EXPH5: variants seen among roughly 807,000 people sequenced by gnomAD.
EXPH5 encodes exophilin 5, also known as exophilin-5.
Under a neutral mutation model 41.1 loss-of-function variants are expected in EXPH5, and 42 were observed. The observed-to-expected ratio is 1.02, with a 90% CI of 0.80 to 1.32. EXPH5 has a LOEUF of 1.32. Ranked by LOEUF, EXPH5 falls within the 40% of genes most tolerant of loss-of-function variation. The pLI, the probability that EXPH5 is intolerant of heterozygous loss-of-function variation, is 0.00. For missense variants in EXPH5, 2,298 were observed against 2,314.5 expected (o/e 0.99, Z 0.15); for synonymous variants, 798 against 833.5 (o/e 0.96, Z 0.73).
chr11:108,586,988 T>C (rs1194979680), intron 1 of EXPH5, among the ~76,000 whole-genome samples: 1 of 152,132 alleles, frequency 6.6e-6, no homozygotes, highest in African/African-American at 2.4e-5. Context: ...CCGACCTGAA[T>C]GAAGGTGAAG....
Position 108,541,773 on chromosome 11 carries a change from C to T in EXPH5, c.159G>A (p.Gln53=). 6.2e-7 allele frequency: 1 copy of T among 1,611,298 alleles called. No individual in the cohort carries two copies. The highest frequency in any genetic ancestry group is 8.5e-7 in the Non-Finnish European group (1 of 1,179,130). ...QKTKRDIRWL[Q]GVTGEWFEEI... ...CTTCAAACCATTCACCAGTCACTCC[C>T]TGAAGCCATCTGATATCCCTCTTTG... The change falls in exon 2 of 6, where the codon CAG becomes CAA. Residue 53 remains glutamine, a synonymous_variant. Coordinates refer to ENST00000265843, the MANE Select transcript of EXPH5 (RefSeq NM_015065.3).
chr11:108,516,674 A>G (rs1484964535), intron 5 of EXPH5, among the ~76,000 whole-genome samples: 2 of 152,148 alleles, frequency 1.3e-5, no homozygotes, highest in African/African-American at 4.8e-5. Context: ...TCTGTTCTGG[A>G]TTTTTCCCTA....
intron 1 of EXPH5, among the ~76,000 whole-genome samples, chr11:108,546,983 A>C (rs113807185): frequency 0.024 from 3,590 of 149,798 alleles, 146 homozygotes; most frequent in African/African-American, 0.082. Flanking sequence ...TTGTATTTTT[A>C]GTAGAGACGG....
intron 1 of EXPH5, among the ~76,000 whole-genome samples, chr11:108,563,712 C>T (rs994784745): frequency 5.9e-5 from 9 of 152,144 alleles, no homozygotes; most frequent in African/African-American, 1.9e-4. Context: ...AGCCACCGTC[C>T]GGTTCAACCC....
At chr11:108,525,192 C>T (rs1185426111) in intron 4 of EXPH5, among the ~76,000 whole-genome samples, 1 of 152,178 alleles carries the variant, frequency 6.6e-6, no homozygotes, top group Non-Finnish European at 1.5e-5. Flanking sequence ...CATTAAGCCC[C>T]TTTTTCTTTA....
chr11:108,576,868 C>T (rs1440672007), intron 1 of EXPH5, among the ~76,000 whole-genome samples: 1 of 152,130 alleles, frequency 6.6e-6, no homozygotes, highest in African/African-American at 2.4e-5. Flanking sequence ...CTAGCCAAGT[C>T]CTTTTCATCC....
At chr11:108,593,781 G>A (rs1390556260), upstream of EXPH5, 7 of 1,534,140 alleles carry the variant, frequency 4.6e-6, no homozygotes, top group South Asian at 7.1e-5. Flanking sequence ...CGGCTAAAGG[G>A]AGAGAGGGAA....
At chr11:108,515,496 A>AT (rs202021377) in intron 5 of EXPH5, among the ~76,000 whole-genome samples, 251 of 94,054 alleles carry the variant, frequency 2.7e-3, no homozygotes, top group African/African-American at 0.016. Context: ...CCAATGGTAG[A>AT]TTTTTTTTTC....
chr11:108,561,778 G>A (rs1191692466), intron 1 of EXPH5, among the ~76,000 whole-genome samples: 4 of 152,188 alleles, frequency 2.6e-5, no homozygotes, highest in Admixed American at 1.3e-4. Context: ...GACACATAGC[G>A]AGAAGGTATT....
intron 1 of EXPH5, among the ~76,000 whole-genome samples, chr11:108,559,985 T>C (rs554067783): frequency 2.6e-5 from 4 of 152,336 alleles, no homozygotes; most frequent in South Asian, 4.1e-4. Flanking sequence ...CTTTAAGGAA[T>C]TTAATGTTGC....
At chr11:108,549,498 C>T (rs142321138) in intron 1 of EXPH5, among the ~76,000 whole-genome samples, 218 of 152,254 alleles carry the variant, frequency 1.4e-3, no homozygotes, top group African/African-American at 3.0e-3. Flanking sequence ...TTGCTTGTCA[C>T]TTTTGTTTGA....
chr11:108,520,759 G>C (rs1301765541), intron 4 of EXPH5, among the ~76,000 whole-genome samples: 1 of 151,904 alleles, frequency 6.6e-6, no homozygotes, highest in Non-Finnish European at 1.5e-5. Flanking sequence ...AGTAGAGATG[G>C]GGTTCCACCC....
chr11:108,521,283 C>T (rs1303671369), intron 4 of EXPH5, among the ~76,000 whole-genome samples: 1 of 152,144 alleles, frequency 6.6e-6, no homozygotes, highest in African/African-American at 2.4e-5. Context: ...GATTCCACGG[C>T]GCTGGTTCTC....
intron 1 of EXPH5, among the ~76,000 whole-genome samples, chr11:108,579,811 G>C (rs907244015): frequency 6.6e-6 from 1 of 152,150 alleles, no homozygotes; most frequent in Non-Finnish European, 1.5e-5. Context: ...TGCAAATGGA[G>C]AGAGTTCCAG....
chr11:108,512,319 C>T lies in EXPH5; in HGVS notation c.3188G>A (p.Gly1063Glu). ...QIKNNVEDAM[G>E]NYMLNKFSPS... ...ACTAAATTTGTTTAACATATAGTTC[C>T]CCATTGCATCTTCCACATTATTTTT... The change falls in exon 6 of 6, where the codon GGG (glycine) becomes GAG (glutamate). Residue 1063 changes from glycine (G) to glutamate (E), a missense_variant. Coordinates refer to ENST00000265843, the MANE Select transcript of EXPH5 (RefSeq NM_015065.3). The T allele has an allele frequency of 1.2e-6, 2 of 1,613,442 alleles. No homozygotes were observed. The highest frequency in any genetic ancestry group is 2.2e-5 in the East Asian group (1 of 44,882).
In EXPH5 at chr11:108,509,395, G is replaced by T; in HGVS notation, c.*142C>A. On this transcript the variant is annotated 3_prime_UTR_variant, in exon 6 of 6. Transcript: ENST00000265843. ...AGGAAGTGTCTATATAGGGTGTGGA[G>T]GAAAAAAAAGGAGATGTGGGACATT... 1.4e-6 allele frequency: 1 copy of T among 702,948 alleles called. No homozygotes were observed. The allele number at this position is 702,948 out of a possible 1,614,324, so 43.5% of individuals were successfully genotyped here.
In EXPH5 at chr11:108,509,940, G is replaced by A. The variant is rs1279166227; in HGVS notation, c.5567C>T (p.Pro1856Leu). ...SRRFRSFSELPSCDGNESWAY... is the reference protein window; with the variant it reads ...SRRFRSFSELLSCDGNESWAY... Reference sequence around the variant, plus strand: ...CCAACTTTCATTTCCATCACAGGAGGGGAGTTCAGAAAAAGATCTGAATCT... The same window carrying A: ...CCAACTTTCATTTCCATCACAGGAGAGGAGTTCAGAAAAAGATCTGAATCT... Residue 1856 changes from proline to leucine, a missense_variant, in exon 6 of 6, where the codon CCC (proline) becomes CTC (leucine). By Grantham distance (98) the Pro-to-Leu change is moderately conservative (BLOSUM62 -3). Transcript: ENST00000265843. 3.7e-6 allele frequency: 6 copies of A among 1,611,808 alleles called. No homozygotes were observed. The highest frequency in any genetic ancestry group is 4.5e-5 in the East Asian group (2 of 44,870).
chr11:108,587,902 G>A (rs990046832), intron 1 of EXPH5, among the ~76,000 whole-genome samples: 1 of 152,084 alleles, frequency 6.6e-6, no homozygotes, highest in Non-Finnish European at 1.5e-5. Flanking sequence ...ATAGGTGCCA[G>A]CCACCAAGCC....
intron 1 of EXPH5, among the ~76,000 whole-genome samples, chr11:108,549,652 TC>T (rs1334180255): frequency 3.3e-5 from 5 of 152,190 alleles, no homozygotes; most frequent in Admixed American, 2.0e-4. Flanking sequence ...GCCCCACTTA[TC>T]TGCTCCTTGT....
Sources: gnomAD v4.1 joint callset for allele counts (sites outside exome capture counted in the v4.1 genomes callset) on GRCh38, gnomAD v4.1.1 for gene constraint, MANE v1.5 for transcripts, NCBI Gene and HGNC (gene_info 2026-07-23, HGNC 2026-07-21) for gene names.